SLC16A7: variants seen among roughly 807,000 people sequenced by gnomAD.
SLC16A7 encodes monocarboxylate transporter 2.
Under a neutral mutation model 34.9 loss-of-function variants are expected in SLC16A7, and 33 were observed. That is an observed-to-expected ratio of 0.94 (90% CI 0.72 to 1.26). SLC16A7 has a LOEUF of 1.26. Among genes scored for constraint, SLC16A7 ranks in the 50% most tolerant of loss-of-function variants. The pLI, the probability that SLC16A7 is intolerant of heterozygous loss-of-function variation, is 0.00. For synonymous variants in SLC16A7, 201 were observed against 206.6 expected (o/e 0.97, Z 0.23); for missense variants, 573 against 578.1 (o/e 0.99, Z 0.09).
intron 2 of SLC16A7, among the ~76,000 whole-genome samples, chr12:59,678,119 C>T (rs1870455332): frequency 6.6e-6 from 1 of 152,200 alleles, no homozygotes; most frequent in Non-Finnish European, 1.5e-5. Flanking sequence ...GCTGAGGTCA[C>T]AGCCCTGGCT....
chr12:59,730,695 T>C (rs1224547959), intron 3 of SLC16A7, among the ~76,000 whole-genome samples: 1 of 152,212 alleles, frequency 6.6e-6, no homozygotes, highest in Non-Finnish European at 1.5e-5. Flanking sequence ...CTAGTTTATT[T>C]TGAGAGTCAT....
At chr12:59,689,508 C>T (rs1871400073) in intron 2 of SLC16A7, 1 of 151,958 alleles carries the variant, frequency 6.6e-6, no homozygotes, top group Non-Finnish European at 1.5e-5. Flanking sequence ...CTTAATCCTG[C>T]CTCAGTGATA....
chr12:59,710,883 A>G (rs763038158), intron 3 of SLC16A7, among the ~76,000 whole-genome samples: 2 of 152,334 alleles, frequency 1.3e-5, no homozygotes, highest in South Asian at 4.1e-4. Flanking sequence ...TTCCAGCTCA[A>G]CTAGCACCAG....
intron 1 of SLC16A7, among the ~76,000 whole-genome samples, chr12:59,618,041 A>T (rs766601979): frequency 2.6e-4 from 40 of 151,784 alleles, no homozygotes; most frequent in Non-Finnish European, 4.6e-4. Flanking sequence ...TGTATCCTTG[A>T]GTTTTTTTTT....
At chr12:59,778,819 T>G (rs1883007682) in intron 5 of SLC16A7, among the ~76,000 whole-genome samples, 1 of 152,090 alleles carries the variant, frequency 6.6e-6, no homozygotes, top group African/African-American at 2.4e-5. Flanking sequence ...CAGACCTCAG[T>G]TAAGAGTCTA....
intron 1 of SLC16A7, among the ~76,000 whole-genome samples, chr12:59,647,632 T>A (rs2137013755): frequency 6.6e-6 from 1 of 152,292 alleles, no homozygotes; most frequent in South Asian, 2.1e-4. Flanking sequence ...GGGCCCACCT[T>A]CACTGCAGAA....
At chr12:59,701,701 T>C (rs937803395) in intron 2 of SLC16A7, among the ~76,000 whole-genome samples, 1 of 151,770 alleles carries the variant, frequency 6.6e-6, no homozygotes, top group Admixed American at 6.6e-5. Context: ...TGGGCATAGT[T>C]TCCTGTCTGT....
At chr12:59,741,845 G>A (rs971564306) in intron 3 of SLC16A7, among the ~76,000 whole-genome samples, 1 of 152,120 alleles carries the variant, frequency 6.6e-6, no homozygotes, top group Non-Finnish European at 1.5e-5. Flanking sequence ...AGTTACTGGT[G>A]GTGAATCCAT....
intron 3 of SLC16A7, chr12:59,720,244 T>C: frequency 1.9e-6 from 1 of 521,796 alleles, no homozygotes; most frequent in Non-Finnish European, 3.3e-6. Flanking sequence ...GACTAAAATT[T>C]ATTAGGTCTT....
chr12:59,667,689 A>G (rs1869318871), intron 2 of SLC16A7, among the ~76,000 whole-genome samples: 1 of 152,244 alleles, frequency 6.6e-6, no homozygotes, highest in Admixed American at 6.5e-5. Flanking sequence ...GAGAAGTTCA[A>G]GCTAGCAGCA....
At chr12:59,620,135 T>G (rs75140695) in intron 1 of SLC16A7, among the ~76,000 whole-genome samples, 1 of 148,704 alleles carries the variant, frequency 6.7e-6, no homozygotes, top group Non-Finnish European at 1.5e-5. Flanking sequence ...TACTGTGTGG[T>G]TTTTTTTTTC....
At chr12:59,734,770 TTCTC>T (rs1421780297) in intron 3 of SLC16A7, among the ~76,000 whole-genome samples, 2 of 152,254 alleles carry the variant, frequency 1.3e-5, no homozygotes, top group African/African-American at 4.8e-5. Flanking sequence ...ATCATTGTCA[TTCTC>T]TATTTCATTT....
At chr12:59,649,675 A>G in intron 1 of SLC16A7, among the ~76,000 whole-genome samples, 1 of 152,152 alleles carries the variant, frequency 6.6e-6, no homozygotes, top group Non-Finnish European at 1.5e-5. Context: ...TAGGCCAGAC[A>G]AGGTGGCTCA....
At chr12:59,693,965 C>T (rs956847880) in intron 2 of SLC16A7, among the ~76,000 whole-genome samples, 1 of 151,766 alleles carries the variant, frequency 6.6e-6, no homozygotes, top group African/African-American at 2.4e-5. Flanking sequence ...ATCTATGAAA[C>T]GTGATTCAAA....
At chr12:59,702,468 A>G (rs1873002769) in intron 2 of SLC16A7, among the ~76,000 whole-genome samples, 1 of 152,036 alleles carries the variant, frequency 6.6e-6, no homozygotes, top group Non-Finnish European at 1.5e-5. Context: ...ATAATTGTTG[A>G]GAGGTGTGGT....
At chr12:59,729,647 G>T (rs553799758) in intron 3 of SLC16A7, among the ~76,000 whole-genome samples, 1 of 152,090 alleles carries the variant, frequency 6.6e-6, no homozygotes, top group Non-Finnish European at 1.5e-5. Flanking sequence ...AGGTGATTTT[G>T]TGGTTCTTAA....
Position 59,785,119 on chromosome 12 carries a change from C to A in SLC16A7, c.*5440C>A, listed in dbSNP as rs1224463310. The A allele has an allele frequency of 6.6e-6, 1 of 151,998 alleles. No individual in the cohort carries two copies. Among genetic ancestry groups the A allele is most frequent in the African/African-American group, 2.4e-5 (1 of 41,384 alleles). 9.4% of individuals were successfully genotyped at this position (151,998 alleles called of 1,614,324 possible). On this transcript the variant is annotated 3_prime_UTR_variant, in exon 6 of 6. Transcript: ENST00000547379. Reference sequence around the variant, plus strand: ...AGAAGGCACTTAAAAGCTGAAAGGCCCAATTATCAGTAATTATAATGCTTG... The same window carrying A: ...AGAAGGCACTTAAAAGCTGAAAGGCACAATTATCAGTAATTATAATGCTTG...
chr12:59,674,652 A>T (rs1290318585), intron 2 of SLC16A7, among the ~76,000 whole-genome samples: 1 of 152,082 alleles, frequency 6.6e-6, no homozygotes, highest in Non-Finnish European at 1.5e-5. Flanking sequence ...AGCTCTCTAA[A>T]GTAAGAGGTG....
chr12:59,767,956 A>C (rs2711661), intron 3 of SLC16A7, among the ~76,000 whole-genome samples: 45 of 123,124 alleles, frequency 3.7e-4, no homozygotes, highest in African/African-American at 1.3e-3. Context: ...GGTGGGGGGA[A>C]GGGGGAGGGA....
Sources: gnomAD v4.1 joint callset for allele counts (sites outside exome capture counted in the v4.1 genomes callset) on GRCh38, gnomAD v4.1.1 for gene constraint, MANE v1.5 for transcripts, NCBI Gene and HGNC (gene_info 2026-07-23, HGNC 2026-07-21) for gene names.